Variants in MYH7B observed in about 807,000 individuals in gnomAD.
MYH7B encodes the protein myosin-7B.
A neutral mutation model predicts 234.5 loss-of-function variants in MYH7B; 205 were observed. The ratio of observed to expected loss-of-function variants is 0.87; its 90% CI spans 0.78 to 0.98. The LOEUF (loss-of-function observed/expected upper bound fraction) is 0.98, where lower values mean the gene tolerates loss of function less well. Among genes scored for constraint, MYH7B ranks in the 50% least tolerant of loss-of-function variants. The pLI, the probability that MYH7B is intolerant of heterozygous loss-of-function variation, is 0.00. For synonymous variants in MYH7B, 1,193 were observed against 1,105.0 expected (o/e 1.08, Z -1.58); for missense variants, 2,652 against 2,633.4 (o/e 1.01, Z -0.15).
rs3746445 is a variant in MYH7B at position 34,989,947 on chromosome 20, C to T, written c.1767+28C>T. ...AGGTGCTTGCTGGAACCCCAGCCCT[C>T]GGCCAGGCTCCTCCCGCCCTGCTCC... On this transcript the variant is annotated intron_variant, in intron 20 of 44. Coordinates refer to ENST00000262873, the Ensembl canonical transcript of MYH7B. 1,299 of 1,612,748 alleles carry T rather than the reference C, an allele frequency of 8.1e-4. 21 individuals are homozygous for T. The East Asian group carries it at 0.027, about 34-fold the overall frequency.
At position 35,001,149 on chromosome 20, in the gene MYH7B, G is replaced by A. The variant is rs768907469; in HGVS notation, c.5466G>A (p.Leu1822=). 1 of 1,613,734 alleles carries A rather than the reference G, an allele frequency of 6.2e-7. No individual in the cohort carries two copies. The highest frequency in any genetic ancestry group is 8.5e-7 in the Non-Finnish European group (1 of 1,179,884). Residue 1822 remains leucine (L), a synonymous_variant, in exon 41 of 45, where the codon CTG becomes CTA. Coordinates refer to ENST00000262873, the Ensembl canonical transcript of MYH7B. Reference sequence around the variant, plus strand: ...GCGGGAAGAAGCAGGTGCAGAAGCTGGAGGCCAAGGTGTGTGCAGCCCCTC... The same window carrying A: ...GCGGGAAGAAGCAGGTGCAGAAGCTAGAGGCCAAGGTGTGTGCAGCCCCTC...
At chr20:34,988,583 A>G (rs2082079101) in intron 19 of MYH7B, among the ~76,000 whole-genome samples, 1 of 152,032 alleles carries the variant, frequency 6.6e-6, no homozygotes, top group African/African-American at 2.4e-5. Context: ...ACAAGGCCCT[A>G]TTTGCAGCCA....
At chr20:34,985,791 G>A (rs1315559768) in intron 13 of MYH7B, among the ~76,000 whole-genome samples, 15 of 151,868 alleles carry the variant, frequency 9.9e-5, no homozygotes, top group African/African-American at 9.7e-5. Flanking sequence ...ACGGAGGCTC[G>A]GCCACACACG....
chr20:34,974,348 G>A (rs560768529), intron 2 of MYH7B, among the ~76,000 whole-genome samples: 3 of 138,848 alleles, frequency 2.2e-5, no homozygotes, highest in East Asian at 4.0e-4. Flanking sequence ...GGGATTACAA[G>A]CTCTTCAGGT....
chr20:34,969,196 C>CA (rs1384525315), intron 2 of MYH7B, among the ~76,000 whole-genome samples: 7 of 152,112 alleles, frequency 4.6e-5, no homozygotes, highest in African/African-American at 1.7e-4. Flanking sequence ...AGGCTGAAGG[C>CA]AGTGGGCCCA....
At chr20:35,001,336 A>C in exon 42 of MYH7B, 2 of 1,609,774 alleles carry the variant, frequency 1.2e-6, no homozygotes, top group Non-Finnish European at 1.7e-6. Flanking sequence ...CGTGTCAAGG[A>C]GCTCGCATAC....
At chr20:34,983,604 C>G (rs2081973744) in intron 10 of MYH7B, among the ~76,000 whole-genome samples, 1 of 151,606 alleles carries the variant, frequency 6.6e-6, no homozygotes, top group African/African-American at 2.4e-5. Flanking sequence ...GGGAGAGGGT[C>G]GGGCAAGGGA....
chr20:34,971,292 A>G (rs1284395041), intron 2 of MYH7B, among the ~76,000 whole-genome samples: 1 of 151,786 alleles, frequency 6.6e-6, no homozygotes, highest in African/African-American at 2.4e-5. Context: ...ATGTCAGGAG[A>G]TTTCCTTTTA....
At chr20:34,978,439 A>C (rs1359518216) in intron 5 of MYH7B, among the ~76,000 whole-genome samples, 4 of 152,164 alleles carry the variant, frequency 2.6e-5, no homozygotes, top group Non-Finnish European at 5.9e-5. Flanking sequence ...CGTGTCCACA[A>C]AACTTGTGCT....
chr20:35,000,797 G>A (rs767737852), exon 40 of MYH7B: 1 of 1,613,900 alleles, frequency 6.2e-7, no homozygotes, highest in South Asian at 1.1e-5. Context: ...AGAAGAAGAA[G>A]CTGGAGGCGG....
chr20:34,976,944 C>A (rs2081860986), intron 3 of MYH7B, among the ~76,000 whole-genome samples: 1 of 152,136 alleles, frequency 6.6e-6, no homozygotes, highest in African/African-American at 2.4e-5. Context: ...AGTGGAGGCA[C>A]CAGAGAGCCT....
In MYH7B at chr20:34,980,610, C is replaced by T. The variant is rs1193474498; in HGVS notation, c.375C>T (p.Asn125=). ...CAGGCCTCTTCTGTGTCACCATCAA[C>T]CCCTACAAATGGCTCCCAGTCTATA... Residue 125 remains asparagine, a synonymous_variant, in exon 8 of 45, where the codon AAC becomes AAT. Coordinates refer to ENST00000262873, the Ensembl canonical transcript of MYH7B. 2.5e-6 allele frequency: 4 copies of T among 1,614,050 alleles called. No individual in the cohort carries two copies. The highest frequency in any genetic ancestry group is 3.4e-6 in the Non-Finnish European group (4 of 1,180,014).
exon 13 of MYH7B, chr20:34,985,115 C>T (rs1190716212): frequency 9.9e-6 from 16 of 1,613,930 alleles, no homozygotes; most frequent in South Asian, 2.2e-5. Context: ...CTGGCATCCG[C>T]GGATATTGAC....
At chr20:34,997,155 G>A (rs2082276208) in exon 31 of MYH7B, 2 of 1,549,692 alleles carry the variant, frequency 1.3e-6, no homozygotes, top group African/African-American at 2.7e-5. Context: ...AGATGCAGAA[G>A]AAGATCAAGG....
intron 3 of MYH7B, among the ~76,000 whole-genome samples, chr20:34,976,809 A>G (rs2081859717): frequency 6.6e-6 from 1 of 152,186 alleles, no homozygotes; most frequent in African/African-American, 2.4e-5. Flanking sequence ...CAAATGCACA[A>G]GTGTGCCAGA....
exon 36 of MYH7B, chr20:34,999,387 G>A (rs777302996): frequency 1.5e-5 from 23 of 1,523,400 alleles, no homozygotes; most frequent in Non-Finnish European, 2.0e-5. Flanking sequence ...GCTCAAGCGG[G>A]AGAACAAGAA....
chr20:34,972,636 T>C (rs1055661638), intron 2 of MYH7B, among the ~76,000 whole-genome samples: 1 of 152,234 alleles, frequency 6.6e-6, no homozygotes, highest in South Asian at 2.1e-4. Flanking sequence ...GGTGTCACAC[T>C]TGTTTGTTTT....
chr20:34,988,655 G>A (rs1463874316), intron 19 of MYH7B, among the ~76,000 whole-genome samples: 1 of 152,068 alleles, frequency 6.6e-6, no homozygotes, highest in Non-Finnish European at 1.5e-5. Context: ...CCTTGTTTTT[G>A]TGATTGTGGA....
chr20:34,997,065 C>CGA lies in MYH7B; in HGVS notation c.3267-18_3267-17insGA. On this transcript the variant is annotated splice_polypyrimidine_tract_variant and intron_variant, in intron 30 of 44. Transcript: ENST00000262873. Reference sequence around the variant, plus strand: ...GGGAGTTAAGGCCTGTGCTGGCCACCCACTCTGTGGCTCCCAGGAAGGACT... The same window carrying CGA: ...GGGAGTTAAGGCCTGTGCTGGCCACCGACACTCTGTGGCTCCCAGGAAGGACT... The CGA allele has an allele frequency of 6.5e-7, 1 of 1,548,186 alleles. No individual in the cohort carries two copies. Among genetic ancestry groups the CGA allele is most frequent in the South Asian group, 1.2e-5 (1 of 83,932 alleles).
Sources: gnomAD v4.1 joint callset for allele counts (sites outside exome capture counted in the v4.1 genomes callset) on GRCh38, gnomAD v4.1.1 for gene constraint, MANE v1.5 for transcripts, NCBI Gene and HGNC (gene_info 2026-07-23, HGNC 2026-07-21) for gene names.